CTSE: variants seen among roughly 807,000 people sequenced by gnomAD.
The protein encoded by CTSE is cathepsin E.
In CTSE, 43 loss-of-function variants were observed where a neutral mutation model predicts 42.8. That is an observed-to-expected ratio of 1.01 (90% confidence interval 0.79 to 1.30). CTSE has a LOEUF of 1.30. Ranked by LOEUF, CTSE falls within the 50% of genes most tolerant of loss-of-function variation. CTSE has a pLI of 0.00. For missense variants in CTSE, 532 were observed against 493.5 expected, an observed-to-expected ratio of 1.08 and a Z score of -0.74; for synonymous variants, 205 against 191.5, an observed-to-expected ratio of 1.07 and a Z score of -0.58.
Position 206,012,310 on chromosome 1 carries a change from G to A in CTSE, c.1024C>T (p.Leu342=), listed in dbSNP as rs782456221. 3.7e-6 allele frequency: 6 copies of A among 1,612,078 alleles called. No individual in the cohort carries two copies. The African/African-American group carries it at 4.0e-5, about 11-fold the overall frequency. ...YTLSPTAYTL[L]DFVDGMQFCS... ...CAGAATAAGGAAACAGTTCTTACCA[G>A]TAGGGTGTAGGCAGTTGGGCTGAGG... The change falls in exon 8 of 9, where the codon CTG becomes TTG. Residue 342 remains leucine, a splice_region_variant and synonymous_variant. Coordinates refer to ENST00000358184, the MANE Select transcript of CTSE (RefSeq NM_001910.4).
intron 8 of CTSE, among the ~76,000 whole-genome samples, chr1:206,011,922 C>A (rs1661111205): frequency 2.0e-5 from 3 of 152,146 alleles, no homozygotes; most frequent in Admixed American, 2.0e-4. Flanking sequence ...GCAAACAGCT[C>A]ATATCTTGAA....
At chr1:206,010,427 G>A in intron 8 of CTSE, 80 bp from the exon 9 acceptor site, 2 of 1,299,540 alleles carry the variant, frequency 1.5e-6, no homozygotes, top group Middle Eastern at 2.6e-4. Flanking sequence ...CTGTGTGGTG[G>A]TGGTGGCTGG....
rs782289397 is a variant in CTSE, at chr1:206,010,147, C to G, written c.*36G>C. 1 of 1,612,304 alleles carries G rather than the reference C, an allele frequency of 6.2e-7. No individual in the cohort carries two copies. Among genetic ancestry groups the G allele is most frequent in the Non-Finnish European group, 8.5e-7 (1 of 1,178,782 alleles). On this transcript the variant is annotated 3_prime_UTR_variant, in exon 9 of 9. Coordinates refer to ENST00000358184, the MANE Select transcript of CTSE (RefSeq NM_001910.4). ...TGCCCCAGCCTAACATATTCAAGGT[C>G]TGTCAGACAGGCAGGCACAGACACA...
chr1:206,013,287 C>T (rs1400732521), intron 6 of CTSE, among the ~76,000 whole-genome samples: 9 of 152,078 alleles, frequency 5.9e-5, no homozygotes, highest in Non-Finnish European at 2.9e-5. Flanking sequence ...TAACCCCCTC[C>T]ATGATGCACT....
At chr1:206,021,504 A>C (rs782806186) in intron 3 of CTSE, 1 of 268,332 alleles carries the variant, frequency 3.7e-6, no homozygotes, top group African/African-American at 2.2e-5. Flanking sequence ...AAAGAAACTC[A>C]GGGATAAACA....
chr1:206,021,969 T>C (rs1661441962), intron 3 of CTSE, among the ~76,000 whole-genome samples, 181 bp downstream of exon 3: 1 of 152,126 alleles, frequency 6.6e-6, no homozygotes, highest in Admixed American at 6.5e-5. Context: ...AGTTCTTCCT[T>C]GGCTTTGCTC....
intron 4 of CTSE, among the ~76,000 whole-genome samples, chr1:206,020,398 G>A (rs1358955862): frequency 6.6e-6 from 1 of 151,966 alleles, no homozygotes; most frequent in Non-Finnish European, 1.5e-5. Context: ...AGGGACCAAC[G>A]TTCACCAGGA....
At chr1:206,019,971 AATATATT>A (rs1295655167) in intron 4 of CTSE, among the ~76,000 whole-genome samples, 7 of 144,040 alleles carry the variant, frequency 4.9e-5, no homozygotes, top group African/African-American at 1.0e-4. Context: ...TATATTCTAT[AATATATT>A]ATATATTATA....
In CTSE at chr1:206,012,510, C is replaced by T; in HGVS notation, c.925G>A (p.Glu309Lys). 6.2e-7 allele frequency: 1 copy of T among 1,614,022 alleles called. No homozygotes were observed. Among genetic ancestry groups the T allele is most frequent in the Non-Finnish European group, 8.5e-7 (1 of 1,179,954 alleles). ...NAIGAAPVDGEYAVECANLNV... is the reference protein window; with the variant it reads ...NAIGAAPVDGKYAVECANLNV... ...CCCTTGCGCAGGCAGGCACTCACTT[C>T]TCCATCCACGGGGGCTGCCCCAATG... is the stretch of plus-strand genomic sequence containing the variant. Residue 309 changes from glutamate to lysine, a missense_variant and splice_region_variant, in exon 7 of 9, where the codon GAA becomes AAA. Coordinates refer to ENST00000358184, the MANE Select transcript of CTSE (RefSeq NM_001910.4).
At chr1:206,019,943 A>G (rs1553278142) in intron 4 of CTSE, among the ~76,000 whole-genome samples, 3 of 143,612 alleles carry the variant, frequency 2.1e-5, no homozygotes, top group Non-Finnish European at 4.5e-5. Context: ...TATTATTAAT[A>G]TAATACATTA....
rs781909217 is a variant in CTSE at position 206,012,497 on chromosome 1, C to A, written c.927+11G>T. The A allele has an allele frequency of 3.7e-6, 6 of 1,614,014 alleles. No individual in the cohort carries two copies. The highest frequency in any genetic ancestry group is 4.2e-6 in the Non-Finnish European group (5 of 1,179,928). ...TGTCCCCACCACTCCCTTGCGCAGG[C>A]AGGCACTCACTTCTCCATCCACGGG... On this transcript the variant is annotated intron_variant, in intron 7 of 8. Transcript: ENST00000358184.
chr1:206,022,380 T>A, intron 2 of CTSE, 113 bp from the exon 3 acceptor site: 1 of 677,844 alleles, frequency 1.5e-6, no homozygotes, highest in Non-Finnish European at 2.6e-6. Flanking sequence ...TAATACAGAC[T>A]GGAGTTTACA....
intron 4 of CTSE, among the ~76,000 whole-genome samples, chr1:206,019,813 G>A (rs1372282874): frequency 1.5e-5 from 2 of 136,630 alleles, no homozygotes; most frequent in Non-Finnish European, 3.1e-5. Context: ...AACATATTAT[G>A]TAATATATTA....
intron 8 of CTSE, 35 bp downstream of exon 8, chr1:206,012,273 C>T (rs1553277056): frequency 6.4e-7 from 1 of 1,556,588 alleles, no homozygotes; most frequent in Middle Eastern, 1.7e-4. Context: ...GTGGGGAGGG[C>T]CCTGTGGCCT....
chr1:206,020,139 C>A (rs1337839598), intron 4 of CTSE, among the ~76,000 whole-genome samples: 1 of 145,230 alleles, frequency 6.9e-6, no homozygotes, highest in Non-Finnish European at 1.5e-5. Flanking sequence ...ATTATATATA[C>A]AAATATACTG....
intron 5 of CTSE, 178 bp from the exon 6 acceptor site, chr1:206,014,072 T>G (rs1571812153): frequency 1.5e-6 from 1 of 662,970 alleles, no homozygotes; most frequent in East Asian, 2.6e-5. Context: ...CTGGGCCTTT[T>G]TGACACAAGG....
Position 206,012,669 on chromosome 1 carries a change from G to A in CTSE, c.786-20C>T, listed in dbSNP as rs1227586376. ...TGGATGCTGAGGGGACAGGGTTGTG[G>A]TCGGCCCACCTTCCCTCCCCCGGCT... On this transcript the variant is annotated intron_variant, in intron 6 of 8. Transcript: ENST00000358184. 6.2e-7 allele frequency: 1 copy of A among 1,608,904 alleles called. No individual in the cohort carries two copies. The highest frequency in any genetic ancestry group is 8.5e-7 in the Non-Finnish European group (1 of 1,176,152).
chr1:206,018,123 A>G (rs1553277905), intron 4 of CTSE, among the ~76,000 whole-genome samples: 1 of 151,946 alleles, frequency 6.6e-6, no homozygotes, highest in African/African-American at 2.4e-5. Context: ...TTTTTATCAG[A>G]TTAAGGGAGT....
At chr1:206,022,395 CTAGGAA>C (rs1661466371) in intron 2 of CTSE, 128 bp from the exon 3 acceptor site, 3 of 616,050 alleles carry the variant, frequency 4.9e-6, no homozygotes, top group Non-Finnish European at 8.6e-6. Context: ...TTTACAGAGC[CTAGGAA>C]GTGGCAACGC....
Sources: gnomAD v4.1 joint callset for allele counts (sites outside exome capture counted in the v4.1 genomes callset) on GRCh38, gnomAD v4.1.1 for gene constraint, MANE v1.5 for transcripts, NCBI Gene and HGNC (gene_info 2026-07-23, HGNC 2026-07-21) for gene names.